UBR2: variants seen among roughly 807,000 people sequenced by gnomAD.
The protein encoded by UBR2 is ubiquitin protein ligase E3 component n-recognin 2, also known as E3 ubiquitin-protein ligase UBR2.
UBR2 carries 92 observed loss-of-function variants against 247.9 expected under a neutral mutation model. The ratio of observed to expected loss-of-function variants is 0.37; its 90% CI spans 0.31 to 0.44. The LOEUF (loss-of-function observed/expected upper bound fraction) is 0.44. UBR2 is among the 20% of genes least tolerant of loss of function. The probability of loss-of-function intolerance (pLI) is 1.00; values close to 1 mark genes in which losing one functional copy is unlikely to be tolerated. For missense variants in UBR2, 1,613 were observed against 2,112.6 expected (o/e 0.76, Z 4.64); for synonymous variants, 672 against 693.5 (o/e 0.97, Z 0.49).
intron 32 of UBR2, among the ~76,000 whole-genome samples, chr6:42,663,911 C>A (rs1797964815): frequency 1.3e-5 from 2 of 152,132 alleles, no homozygotes; most frequent in Admixed American, 6.5e-5. Context: ...ATAATCCTAG[C>A]ACTTTGAGAG....
chr6:42,565,539 T>A (rs922596368), intron 1 of UBR2, among the ~76,000 whole-genome samples: 1 of 152,126 alleles, frequency 6.6e-6, no homozygotes, highest in African/African-American at 2.4e-5. Context: ...GAATCTTTGC[T>A]TGTTTGGGTG....
At chr6:42,616,632 C>CTTTT (rs535573811) in intron 10 of UBR2, among the ~76,000 whole-genome samples, 29 of 135,178 alleles carry the variant, frequency 2.1e-4, no homozygotes, top group African/African-American at 7.4e-4. Flanking sequence ...ATGTATTTTG[C>CTTTT]TTTTTTTTTT....
chr6:42,592,979 C>T (rs568638788), intron 3 of UBR2, among the ~76,000 whole-genome samples: 1 of 152,178 alleles, frequency 6.6e-6, no homozygotes, highest in East Asian at 1.9e-4. Flanking sequence ...TCAACACCAT[C>T]CTGGCTAACA....
intron 2 of UBR2, among the ~76,000 whole-genome samples, chr6:42,579,181 C>T (rs1480692501): frequency 5.9e-5 from 9 of 152,036 alleles, no homozygotes; most frequent in Admixed American, 5.2e-4. Flanking sequence ...CAGGTGGGGA[C>T]CTCAGGAAGC....
At chr6:42,661,725 T>A (rs535592239) in intron 30 of UBR2, among the ~76,000 whole-genome samples, 1 of 152,284 alleles carries the variant, frequency 6.6e-6, no homozygotes, top group South Asian at 2.1e-4. Context: ...ATGAGTGTTG[T>A]TAGGCAGTCT....
intron 4 of UBR2, among the ~76,000 whole-genome samples, chr6:42,595,148 A>C (rs1347813092): frequency 1.3e-5 from 2 of 152,168 alleles, no homozygotes; most frequent in African/African-American, 4.8e-5. Flanking sequence ...ATTTAACATT[A>C]TTTGGTTTTG....
intron 23 of UBR2, among the ~76,000 whole-genome samples, chr6:42,650,751 C>T (rs975785943): frequency 2.0e-5 from 3 of 152,094 alleles, no homozygotes; most frequent in African/African-American, 4.8e-5. Flanking sequence ...TACCCCCTAG[C>T]GTTTTGTACA....
intron 15 of UBR2, 95 bp from the exon 16 acceptor site, chr6:42,640,111 AAAG>A: frequency 1.1e-6 from 1 of 929,850 alleles, no homozygotes. Flanking sequence ...CCCAAAGAGA[AAAG>A]AAGTTAGATA....
Position 42,646,222 on chromosome 6 carries a change from CTT to C in UBR2, c.2409+635_2409+636del, listed in dbSNP as rs1163229196. 3.3e-5 allele frequency among the ~76,000 whole-genome samples: 5 copies of C among 152,208 alleles called. No individual in the cohort carries two copies. The East Asian group carries it at 9.7e-4, about 29-fold the overall frequency. On this transcript the variant is annotated intron_variant, in intron 21 of 46. Transcript: ENST00000372901. ...AGAAGAGACTTTATTTTCATTGAGG[CTT>C]TTCAAAATGTTTGCCCTAATTTGAA...
At chr6:42,604,329 C>T (rs1378183232) in intron 5 of UBR2, among the ~76,000 whole-genome samples, 2 of 152,076 alleles carry the variant, frequency 1.3e-5, no homozygotes, top group Non-Finnish European at 2.9e-5. Flanking sequence ...AGAAGTAAGA[C>T]CAAGCTTGTT....
At chr6:42,642,334 A>G in intron 17 of UBR2, 82 bp from the exon 18 acceptor site, 1 of 930,258 alleles carries the variant, frequency 1.1e-6, no homozygotes. Flanking sequence ...ATTCTTGTAC[A>G]AACTTGTGCT....
chr6:42,630,769 A>T (rs990972909), intron 11 of UBR2, among the ~76,000 whole-genome samples: 4 of 152,102 alleles, frequency 2.6e-5, no homozygotes, highest in African/African-American at 9.7e-5. Context: ...ATATATTCTT[A>T]GACTTCTGTC....
chr6:42,622,667 G>T (rs1795066166), intron 11 of UBR2, among the ~76,000 whole-genome samples: 2 of 152,044 alleles, frequency 1.3e-5, no homozygotes, highest in South Asian at 4.1e-4. Flanking sequence ...GCCTCCCAAA[G>T]TGCTGGGATT....
rs1352480528 is a variant in UBR2, at chr6:42,670,171, C to T, written c.3961C>T (p.Pro1321Ser). The T allele has an allele frequency of 6.2e-7, 1 of 1,614,036 alleles. No homozygotes were observed. The highest frequency in any genetic ancestry group is 1.3e-5 in the African/African-American group (1 of 74,922). ...ATYKVGLKVH[P>S]NEEDPRVPIM... Reference sequence around the variant, plus strand: ...CTACAAGGTGGGACTAAAGGTTCATCCCAATGAAGAGGATCCTCGTGTTCC... The same window carrying T: ...CTACAAGGTGGGACTAAAGGTTCATTCCAATGAAGAGGATCCTCGTGTTCC... Residue 1321 changes from proline to serine, a missense_variant, in exon 35 of 47, where the codon CCC (proline) becomes TCC (serine). Physicochemically the swap from Pro to Ser is moderately conservative, Grantham distance 74. Transcript: ENST00000372901.
chr6:42,607,718 T>G (rs1582516039), intron 7 of UBR2, among the ~76,000 whole-genome samples: 2 of 147,730 alleles, frequency 1.4e-5, no homozygotes, highest in Admixed American at 1.3e-4. Context: ...AGCTGTTTTT[T>G]TTTTTTTTTT....
At chr6:42,630,269 C>T in intron 11 of UBR2, among the ~76,000 whole-genome samples, 1 of 151,356 alleles carries the variant, frequency 6.6e-6, no homozygotes, top group East Asian at 1.9e-4. Context: ...ACTGCAACCT[C>T]TGCCTCCTGA....
At position 42,603,649 on chromosome 6, in the gene UBR2, C is replaced by T. The variant is rs775790637; in HGVS notation, c.593C>T (p.Thr198Met). Residue 198 changes from threonine (T) to methionine (M), a missense_variant, in exon 5 of 47, where the codon ACG (threonine) becomes ATG (methionine). Thr to Met is a moderately conservative substitution (Grantham distance 81). Around this residue, in one of 3 missense-constraint regions of UBR2, gnomAD observed 1,524 missense variants for 1,967.3 expected, o/e 0.77. Transcript: ENST00000372901. ...IARTYNIFAITFRYAVEILTW... is the reference protein window; with the variant it reads ...IARTYNIFAIMFRYAVEILTW... ...AGAACTTATAACATTTTTGCTATTA[C>T]GTTTCGGTATGCAGTAGAAATATTA... 6.9e-6 allele frequency: 11 copies of T among 1,597,130 alleles called. No homozygotes were observed. Among genetic ancestry groups the T allele is most frequent in the African/African-American group, 2.7e-5 (2 of 73,708 alleles).
At chr6:42,679,699 C>T (rs1582720629) in intron 41 of UBR2, 25 bp from the exon 42 acceptor site, 2 of 1,544,996 alleles carry the variant, frequency 1.3e-6, no homozygotes, top group East Asian at 4.5e-5. Flanking sequence ...GTTATATGCA[C>T]TCTTTTCTTG....
chr6:42,665,670 T>C (rs987654171), intron 33 of UBR2, among the ~76,000 whole-genome samples, 158 bp downstream of exon 33: 1 of 152,244 alleles, frequency 6.6e-6, no homozygotes, highest in Non-Finnish European at 1.5e-5. Flanking sequence ...CTTTACTGCA[T>C]TACTCCTTAT....
Sources: gnomAD v4.1 joint callset for allele counts (sites outside exome capture counted in the v4.1 genomes callset) on GRCh38, gnomAD v4.1.1 for gene constraint, gnomAD v4.1.1 regional missense constraint, MANE v1.5 for transcripts, NCBI Gene and HGNC (gene_info 2026-07-23, HGNC 2026-07-21) for gene names.